NRG3: variants seen among roughly 807,000 people sequenced by gnomAD.
NRG3 encodes the protein pro-neuregulin-3, membrane-bound isoform.
NRG3 carries 31 observed loss-of-function variants against 66.9 expected under a neutral mutation model. The observed-to-expected ratio is 0.46, with a 90% confidence interval of 0.35 to 0.63. The LOEUF is 0.63. NRG3 is among the 20% of genes least tolerant of loss of function. The pLI is 0.00. For synonymous variants in NRG3, 393 were observed against 359.4 expected, an observed-to-expected ratio of 1.09 and a Z score of -1.06; for missense variants, 910 against 878.9, an observed-to-expected ratio of 1.04 and a Z score of -0.45.
At chr10:82,440,792 C>G (rs1449302969) in intron 2 of NRG3, among the ~76,000 whole-genome samples, 1 of 152,082 alleles carries the variant, frequency 6.6e-6, no homozygotes, top group Non-Finnish European at 1.5e-5. Context: ...ATTATATTAG[C>G]TTACATTAAG....
At chr10:82,778,876 G>T (rs2060010441) in intron 3 of NRG3, among the ~76,000 whole-genome samples, 1 of 151,812 alleles carries the variant, frequency 6.6e-6, no homozygotes, top group Admixed American at 6.6e-5. Flanking sequence ...GTGTAGACAG[G>T]GGTGGAGCTC....
At position 82,627,398 on chromosome 10, in the gene NRG3, T is replaced by C. The variant is rs1241969828; in HGVS notation, c.954-111179T>C. Among the ~76,000 whole-genome samples, 5 of 152,108 alleles carry C rather than the reference T, an allele frequency of 3.3e-5. No individual in the cohort carries two copies. The East Asian group carries it at 7.7e-4, about 23-fold the overall frequency. On this transcript the variant is annotated intron_variant, in intron 2 of 8. Transcript: ENST00000372141. ...AAATTAGGTGGTTTTAATTAGCATC[T>C]TGACTGCATGCAGTCAACAGCATGA...
chr10:82,076,277 GC>G (rs1163604280), intron 1 of NRG3, among the ~76,000 whole-genome samples: 7 of 152,076 alleles, frequency 4.6e-5, no homozygotes, highest in Admixed American at 3.3e-4. Context: ...GTAGTTGCAC[GC>G]CCTCATTGTG....
chr10:82,298,248 A>T (rs1380220797), intron 1 of NRG3, among the ~76,000 whole-genome samples: 1 of 146,764 alleles, frequency 6.8e-6, no homozygotes, highest in Non-Finnish European at 1.5e-5. Flanking sequence ...GAAGGAAGAG[A>T]TGGAGGGAGG....
intron 4 of NRG3, 73 bp downstream of exon 4, chr10:82,865,510 C>A: frequency 2.1e-6 from 3 of 1,422,360 alleles, no homozygotes; most frequent in Non-Finnish European, 2.9e-6. Context: ...TGCTTTCCTT[C>A]TCCATCTGGT....
At chr10:82,604,012 G>C (rs143348233) in intron 2 of NRG3, among the ~76,000 whole-genome samples, 6 of 152,000 alleles carry the variant, frequency 3.9e-5, no homozygotes, top group Non-Finnish European at 8.8e-5. Context: ...TATTAGTGTG[G>C]TGTATTTGTT....
At chr10:82,157,373 A>G (rs933540782) in intron 1 of NRG3, among the ~76,000 whole-genome samples, 3 of 151,770 alleles carry the variant, frequency 2.0e-5, no homozygotes, top group African/African-American at 4.8e-5. Context: ...TTCAATCTGT[A>G]ATATAAAATG....
intron 1 of NRG3, among the ~76,000 whole-genome samples, chr10:82,267,721 G>A (rs1837429791): frequency 6.6e-6 from 1 of 152,182 alleles, no homozygotes; most frequent in South Asian, 2.1e-4. Context: ...TGTGCTGGAT[G>A]AGGTCATTAG....
At chr10:82,278,002 A>G (rs1206074273) in intron 1 of NRG3, among the ~76,000 whole-genome samples, 2 of 152,084 alleles carry the variant, frequency 1.3e-5, no homozygotes, top group Non-Finnish European at 2.9e-5. Flanking sequence ...AGTAACTTCA[A>G]ATATCACCAC....
At chr10:82,022,384 T>A (rs1564745781) in intron 1 of NRG3, among the ~76,000 whole-genome samples, 2 of 152,066 alleles carry the variant, frequency 1.3e-5, no homozygotes, top group African/African-American at 4.8e-5. Flanking sequence ...ATGCCTTTAT[T>A]ATCATGGCTC....
intron 3 of NRG3, among the ~76,000 whole-genome samples, chr10:82,761,801 A>G (rs1185553079): frequency 2.0e-5 from 3 of 151,816 alleles, no homozygotes; most frequent in Non-Finnish European, 4.4e-5. Context: ...AAATAAAAAA[A>G]TTAAGTTAAA....
At position 82,475,875 on chromosome 10, in the gene NRG3, AG is replaced by A. The variant is rs1841728717; in HGVS notation, c.953+117008del. Among the ~76,000 whole-genome samples, 3 of 152,236 alleles carry A rather than the reference AG, an allele frequency of 2.0e-5. No individual in the cohort carries two copies. In the South Asian group the frequency reaches 6.2e-4, roughly 31 times the overall value. On this transcript the variant is annotated intron_variant, in intron 2 of 8. Transcript: ENST00000372141. ...AAAATTAAAAACTTTCATGCATTAAAGAATGTTATCAATAGAGTGAAAAGGC... is the reference window on the plus strand; with the variant it reads ...AAAATTAAAAACTTTCATGCATTAAAAATGTTATCAATAGAGTGAAAAGGC...
rs1350160379 is a variant in NRG3, at chr10:82,454,888, G to T, written c.953+96020G>T. 2.0e-5 allele frequency among the ~76,000 whole-genome samples: 3 copies of T among 152,172 alleles called. No individual in the cohort carries two copies. In the East Asian group the frequency reaches 5.8e-4, roughly 29 times the overall value. On this transcript the variant is annotated intron_variant, in intron 2 of 8. Coordinates refer to ENST00000372141, the MANE Select transcript of NRG3 (RefSeq NM_001010848.4). ...AATTGAGAGGCAAATATTAACCTGAGGAAAACATTTGCAACGTACTCTCAT... is the reference window on the plus strand; with the variant it reads ...AATTGAGAGGCAAATATTAACCTGATGAAAACATTTGCAACGTACTCTCAT...
At chr10:82,866,788 A>G (rs1441920941) in intron 4 of NRG3, among the ~76,000 whole-genome samples, 3 of 152,160 alleles carry the variant, frequency 2.0e-5, no homozygotes, top group Non-Finnish European at 2.9e-5. Context: ...GTTGATTTTG[A>G]TTTTGAAGAT....
chr10:82,433,481 T>G (rs547653142), intron 2 of NRG3, among the ~76,000 whole-genome samples: 1 of 152,258 alleles, frequency 6.6e-6, no homozygotes, highest in Non-Finnish European at 1.5e-5. Flanking sequence ...AGATCCCATT[T>G]GTCAATTTTG....
At chr10:82,523,840 G>T (rs2132569224) in intron 2 of NRG3, among the ~76,000 whole-genome samples, 1 of 152,122 alleles carries the variant, frequency 6.6e-6, no homozygotes, top group South Asian at 2.1e-4. Context: ...CTCCAAGTGT[G>T]GTTGACTTTT....
chr10:82,360,887 G>A (rs893587274), intron 2 of NRG3, among the ~76,000 whole-genome samples: 13 of 152,084 alleles, frequency 8.5e-5, no homozygotes, highest in Non-Finnish European at 1.3e-4. Flanking sequence ...TGGTCAAGGA[G>A]ATGTATCTTC....
chr10:82,235,306 A>C (rs1019239302), intron 1 of NRG3, among the ~76,000 whole-genome samples: 2 of 152,218 alleles, frequency 1.3e-5, no homozygotes, highest in Admixed American at 1.3e-4. Context: ...ATAACTTACT[A>C]TCTGCCCCTT....
rs1049016633 is a variant in NRG3 at position 82,655,394 on chromosome 10, T to G, written c.954-83183T>G. ...GGATCAATAAAAACAATAGGATATT[T>G]TTAAGTACATGAAACAGATTATGCA... On this transcript the variant is annotated intron_variant, in intron 2 of 8. Coordinates refer to ENST00000372141, the MANE Select transcript of NRG3 (RefSeq NM_001010848.4). Among the ~76,000 whole-genome samples the G allele has an allele frequency of 2.0e-5, 3 of 152,152 alleles. No homozygotes were observed. In the South Asian group the frequency reaches 6.2e-4, roughly 31 times the overall value.
Sources: allele counts gnomAD v4.1 joint callset (sites outside exome capture counted in the v4.1 genomes callset), GRCh38; gene constraint gnomAD v4.1.1; transcripts MANE v1.5; gene names NCBI Gene and HGNC (gene_info 2026-07-23, HGNC 2026-07-21).